Variants in AOAH observed in about 807,000 individuals in gnomAD.
AOAH encodes the protein acyloxyacyl hydrolase.
A neutral mutation model predicts 92.2 loss-of-function variants in AOAH; 64 were observed. The ratio of observed to expected loss-of-function variants is 0.69; its 90% CI spans 0.57 to 0.86. The LOEUF (loss-of-function observed/expected upper bound fraction) is 0.86, where lower values mean the gene tolerates loss of function less well. Among genes scored for constraint, AOAH ranks in the 40% least tolerant of loss-of-function variants. The pLI is 0.00. For missense variants in AOAH, 656 were observed against 694.6 expected (o/e 0.94, Z 0.62); for synonymous variants, 263 against 254.5 (o/e 1.03, Z -0.32).
At chr7:36,689,894 G>A (rs1562700287) in intron 1 of AOAH, among the ~76,000 whole-genome samples, 3 of 152,324 alleles carry the variant, frequency 2.0e-5, no homozygotes, top group East Asian at 1.9e-4. Flanking sequence ...GTGGGTGATC[G>A]TAGGGCATAA....
At chr7:36,583,314 G>A (rs1789069226) in intron 12 of AOAH, among the ~76,000 whole-genome samples, 1 of 152,190 alleles carries the variant, frequency 6.6e-6, no homozygotes, top group African/African-American at 2.4e-5. Flanking sequence ...GCTTTATCCA[G>A]GGACCTTTTC....
At chr7:36,550,837 T>C (rs4723540) in intron 13 of AOAH, among the ~76,000 whole-genome samples, 139,707 of 152,064 alleles carry the variant, frequency 0.92, 65,340 homozygotes, top group Non-Finnish European at 1. Context: ...GAGACCCAGG[T>C]ATGTTCTTCC....
At chr7:36,541,022 AT>A (rs1785392278) in intron 15 of AOAH, among the ~76,000 whole-genome samples, 1 of 152,248 alleles carries the variant, frequency 6.6e-6, no homozygotes. Context: ...CTTATGATTT[AT>A]TTGACACTTC....
intron 10 of AOAH, 48 bp downstream of exon 10, chr7:36,618,249 G>T: frequency 2.5e-6 from 4 of 1,568,694 alleles, no homozygotes; most frequent in Non-Finnish European, 3.5e-6. Flanking sequence ...ACTCAAACTA[G>T]AAAAGAATAT....
chr7:36,534,439 A>G (rs1291894036), intron 16 of AOAH, among the ~76,000 whole-genome samples: 3 of 152,206 alleles, frequency 2.0e-5, no homozygotes, highest in Non-Finnish European at 4.4e-5. Context: ...AGAACCTGGG[A>G]AAGTTGCAAT....
intron 13 of AOAH, among the ~76,000 whole-genome samples, chr7:36,570,979 A>T (rs1788104393): frequency 6.6e-6 from 1 of 152,166 alleles, no homozygotes; most frequent in African/African-American, 2.4e-5. Context: ...CATCAGTCTT[A>T]AAGCAAATAA....
intron 13 of AOAH, among the ~76,000 whole-genome samples, chr7:36,551,783 G>A (rs1218109822): frequency 6.6e-6 from 1 of 152,108 alleles, no homozygotes; most frequent in African/African-American, 2.4e-5. Flanking sequence ...CAAGTGTTTT[G>A]GACGTATGGT....
intron 11 of AOAH, among the ~76,000 whole-genome samples, chr7:36,595,940 G>C (rs1368511094): frequency 6.6e-6 from 1 of 152,116 alleles, no homozygotes; most frequent in Non-Finnish European, 1.5e-5. Context: ...AACAATTGTA[G>C]CTTTAGCATA....
intron 1 of AOAH, among the ~76,000 whole-genome samples, chr7:36,711,851 G>A (rs370869050): frequency 5.3e-5 from 8 of 152,194 alleles, no homozygotes; most frequent in Admixed American, 2.0e-4. Context: ...ACTTGCTGGC[G>A]CTCTTAGGGC....
At chr7:36,576,553 C>T (rs1788511078) in intron 13 of AOAH, 21 bp downstream of exon 13, 1 of 1,422,850 alleles carries the variant, frequency 7.0e-7, no homozygotes, top group Non-Finnish European at 9.7e-7. Context: ...TTGATGAAGG[C>T]TTAAATGGAA....
chr7:36,621,643 G>C, intron 8 of AOAH, 67 bp downstream of exon 8: 1 of 1,451,256 alleles, frequency 6.9e-7, no homozygotes, highest in Non-Finnish European at 9.7e-7. Flanking sequence ...CTGGGGGAAG[G>C]AAATGTGCCT....
At chr7:36,648,132 C>T (rs906547130) in intron 4 of AOAH, among the ~76,000 whole-genome samples, 5 of 152,176 alleles carry the variant, frequency 3.3e-5, no homozygotes, top group Admixed American at 3.3e-4. Context: ...CCTCAACCTC[C>T]CAAGTGCTGG....
chr7:36,686,725 A>G lies in AOAH; in HGVS notation c.197T>C (p.Met66Thr), dbSNP rs753356397. The change falls in exon 2 of 21, where the codon ATG becomes ACG. Residue 66 changes from methionine to threonine, a missense_variant. By Grantham distance (81) the Met-to-Thr change is moderately conservative (BLOSUM62 -1). Transcript: ENST00000617537. ...QVHNSTVQAS[M>T]ERLCSYLPEK... ...AGGCAGGTAGCTGCACAGTCTCTCC[A>G]TCGAGGCCTGGACCGTCGAGTTGTG... 2.6e-6 allele frequency: 4 copies of G among 1,561,918 alleles called. No individual in the cohort carries two copies. The highest frequency in any genetic ancestry group is 3.7e-5 in the Admixed American group (2 of 53,498).
intron 13 of AOAH, among the ~76,000 whole-genome samples, chr7:36,553,066 C>T (rs996524176): frequency 1.2e-4 from 18 of 151,196 alleles, no homozygotes; most frequent in African/African-American, 4.1e-4. Flanking sequence ...TGCGCTGCAC[C>T]CACTAACTCG....
intron 1 of AOAH, among the ~76,000 whole-genome samples, chr7:36,698,307 G>A (rs1797837370): frequency 6.6e-6 from 1 of 151,882 alleles, no homozygotes; most frequent in South Asian, 2.1e-4. Flanking sequence ...GATTTTGATG[G>A]TAGCTTTATG....
At chr7:36,631,396 C>T (rs143944588) in intron 6 of AOAH, among the ~76,000 whole-genome samples, 73 of 151,814 alleles carry the variant, frequency 4.8e-4, no homozygotes, top group East Asian at 4.6e-3. Context: ...AGACCCCATG[C>T]TATTTTGCCT....
intron 4 of AOAH, among the ~76,000 whole-genome samples, chr7:36,651,308 A>C (rs774370871): frequency 2.6e-5 from 4 of 152,254 alleles, no homozygotes; most frequent in Non-Finnish European, 5.9e-5. Context: ...AAGAAAAACA[A>C]TTATTCTGTA....
At position 36,686,770 on chromosome 7, in the gene AOAH, AT is replaced by A; in HGVS notation, c.151del (p.Ile51Ter). On this transcript the variant is annotated frameshift_variant, in exon 2 of 21. Coordinates refer to ENST00000617537, the MANE Select transcript of AOAH (RefSeq NM_001637.4). LOFTEE classifies it high-confidence loss of function. The part of the protein sequence containing the change: ...CVGCVLVVSV[I>X]EQLAQVHNST... ...GTTGTGAACTTGAGCAAGCTGTTCTATTACAGACACCACCAGCACACACCCT... is the reference window on the plus strand; with the variant it reads ...GTTGTGAACTTGAGCAAGCTGTTCTATACAGACACCACCAGCACACACCCT... 6.3e-7 allele frequency: 1 copy of A among 1,577,682 alleles called. No homozygotes were observed. Among genetic ancestry groups the A allele is most frequent in the Non-Finnish European group, 8.6e-7 (1 of 1,161,512 alleles).
chr7:36,647,281 G>A (rs1794284089), intron 4 of AOAH, among the ~76,000 whole-genome samples: 1 of 152,228 alleles, frequency 6.6e-6, no homozygotes, highest in East Asian at 1.9e-4. Flanking sequence ...ACTTCTTAGA[G>A]GGAATGACTT....
Sources: allele counts gnomAD v4.1 joint callset (sites outside exome capture counted in the v4.1 genomes callset), GRCh38; gene constraint gnomAD v4.1.1; transcripts MANE v1.5; gene names NCBI Gene and HGNC (gene_info 2026-07-23, HGNC 2026-07-21).